TAOK1: variants seen among roughly 807,000 people sequenced by gnomAD.
TAOK1 encodes TAO kinase 1.
Under a neutral mutation model 138.3 loss-of-function variants are expected in TAOK1, and 21 were observed. The ratio of observed to expected loss-of-function variants is 0.15; its 90% CI spans 0.11 to 0.22. TAOK1 has a LOEUF of 0.22. TAOK1 is among the 10% of genes least tolerant of loss of function. TAOK1 has a pLI of 1.00. For missense variants in TAOK1, 651 were observed against 1,227.7 expected, an observed-to-expected ratio of 0.53 and a Z score of 7.02; for synonymous variants, 361 against 398.4, an observed-to-expected ratio of 0.91 and a Z score of 1.12.
intron 3 of TAOK1, among the ~76,000 whole-genome samples, chr17:29,469,361 A>G (rs893848239): frequency 1.3e-5 from 2 of 152,160 alleles, no homozygotes; most frequent in African/African-American, 4.8e-5. Context: ...ACTATTTTCA[A>G]TTCCACATTT....
chr17:29,458,521 G>A (rs1598489475), intron 2 of TAOK1, among the ~76,000 whole-genome samples: 1 of 152,052 alleles, frequency 6.6e-6, no homozygotes, highest in African/African-American at 2.4e-5. Flanking sequence ...GTTTTGAGAC[G>A]AAGTCTCGCT....
At chr17:29,531,047 C>T (rs1379609186) in intron 18 of TAOK1, among the ~76,000 whole-genome samples, 1 of 141,190 alleles carries the variant, frequency 7.1e-6, no homozygotes, top group African/African-American at 2.6e-5. Context: ...CTGCAAGCTC[C>T]GCCTCCCGGG....
chr17:29,518,953 G>C (rs1407650663), intron 16 of TAOK1, among the ~76,000 whole-genome samples: 2 of 151,924 alleles, frequency 1.3e-5, no homozygotes, highest in Non-Finnish European at 2.9e-5. Context: ...TTTTAGTAGA[G>C]ACGGGGTTTT....
chr17:29,450,816 A>G (rs775447908), intron 1 of TAOK1, among the ~76,000 whole-genome samples: 9 of 152,180 alleles, frequency 5.9e-5, no homozygotes, highest in East Asian at 1.9e-4. Flanking sequence ...GAGTCTGGCT[A>G]TGACAGCCAG....
Position 29,445,022 on chromosome 17 carries a change from CT to C in TAOK1, c.-94-6428del, listed in dbSNP as rs2030041845. ...TTTCTGTTACATATGCCTTTTAGTT[CT>C]TTTTCTTGCCATGTAACACTGACTA... On this transcript the variant is annotated intron_variant, in intron 1 of 19. Transcript: ENST00000261716. Among the ~76,000 whole-genome samples the C allele has an allele frequency of 2.0e-5, 3 of 152,150 alleles. No homozygotes were observed. In the South Asian group the frequency reaches 6.2e-4, roughly 32 times the overall value.
chr17:29,490,764 G>C (rs768098518), intron 9 of TAOK1, among the ~76,000 whole-genome samples: 5 of 152,126 alleles, frequency 3.3e-5, no homozygotes, highest in Non-Finnish European at 5.9e-5. Context: ...TCACTTTCTG[G>C]AGGCTGGGAA....
At chr17:29,502,439 AAG>A in intron 12 of TAOK1, 148 bp from the exon 13 acceptor site, 3 of 855,974 alleles carry the variant, frequency 3.5e-6, no homozygotes, top group Non-Finnish European at 5.2e-6. Flanking sequence ...CTAAAGAAAA[AAG>A]AAGACCAGCA....
chr17:29,534,390 C>A, intron 19 of TAOK1, 90 bp downstream of exon 19: 3 of 1,206,496 alleles, frequency 2.5e-6, no homozygotes, highest in South Asian at 2.4e-5. Context: ...GCAGAGGTCA[C>A]ATTAGATTTC....
rs1324343320 is a variant in TAOK1, at chr17:29,534,122, G to A, written c.2366G>A (p.Arg789His). The A allele has an allele frequency of 6.3e-7, 1 of 1,596,856 alleles. No individual in the cohort carries two copies. The highest frequency in any genetic ancestry group is 8.5e-7 in the Non-Finnish European group (1 of 1,173,020). ...INEMLSTQAL[R>H]LDEAQEAECQ... ...CTCTCTCTCTCTCTGTCTCAGCTGCGTTTGGATGAAGCACAGGAAGCAGAG... is the reference window on the plus strand; with the variant it reads ...CTCTCTCTCTCTCTGTCTCAGCTGCATTTGGATGAAGCACAGGAAGCAGAG... Residue 789 changes from arginine to histidine, a missense_variant, in exon 19 of 20, where the codon CGT becomes CAT. By Grantham distance (29) the Arg-to-His change is conservative. This residue lies in a region of TAOK1 where 258 missense variants were observed against 548.9 expected (regional missense o/e 0.47). Transcript: ENST00000261716.
chr17:29,507,761 A>C (rs2031652688), intron 13 of TAOK1, 135 bp from the exon 14 acceptor site: 1 of 803,144 alleles, frequency 1.2e-6, no homozygotes, highest in African/African-American at 1.7e-5. Flanking sequence ...GACTTGTTGG[A>C]AATTTCCTTG....
At chr17:29,499,229 CTTTTTTT>C (rs57906502) in intron 12 of TAOK1, among the ~76,000 whole-genome samples, 2 of 123,182 alleles carry the variant, frequency 1.6e-5, no homozygotes, top group African/African-American at 3.1e-5. Flanking sequence ...ATGTTTATAT[CTTTTTTT>C]TTTTTTTTTT....
rs564545639 is a variant in TAOK1 at position 29,419,780 on chromosome 17, C to T, written c.-95+28756C>T. On this transcript the variant is annotated intron_variant, in intron 1 of 19. Coordinates refer to ENST00000261716, the MANE Select transcript of TAOK1 (RefSeq NM_020791.4). ...AAGTGCTGGAAGTATAGGCATGTGC[C>T]ACTGAGCTCAGCCATGATTTTTAAT... Among the ~76,000 whole-genome samples the T allele has an allele frequency of 3.9e-5, 6 of 152,234 alleles. No homozygotes were observed. The South Asian group carries it at 1.2e-3, about 32-fold the overall frequency.
intron 6 of TAOK1, chr17:29,480,006 A>T (rs2031027333): frequency 1.3e-5 from 2 of 154,776 alleles, no homozygotes; most frequent in South Asian, 4.1e-4. Context: ...TTAAGTATGG[A>T]TACTCAGAAA....
intron 17 of TAOK1, among the ~76,000 whole-genome samples, chr17:29,529,332 A>G (rs1200186103): frequency 1.3e-5 from 2 of 152,178 alleles, no homozygotes; most frequent in Non-Finnish European, 2.9e-5. Context: ...GCTCATGCCT[A>G]TAATTACTGT....
At chr17:29,452,729 A>G (rs569608491) in intron 2 of TAOK1, among the ~76,000 whole-genome samples, 46 of 152,332 alleles carry the variant, frequency 3.0e-4, no homozygotes, top group Non-Finnish European at 5.3e-4. Context: ...AATGGAGTCA[A>G]ACAATATTTA....
At chr17:29,477,748 TA>T in intron 5 of TAOK1, 42 bp downstream of exon 5, 1 of 1,214,216 alleles carries the variant, frequency 8.2e-7, no homozygotes, top group Non-Finnish European at 1.1e-6. Context: ...ATTCACAGAA[TA>T]AAATGATAAT....
intron 1 of TAOK1, among the ~76,000 whole-genome samples, chr17:29,433,100 A>G (rs947324317): frequency 6.6e-6 from 1 of 152,106 alleles, no homozygotes; most frequent in Non-Finnish European, 1.5e-5. Context: ...TAGTAATGCA[A>G]GAGAATGTAA....
intron 3 of TAOK1, among the ~76,000 whole-genome samples, 167 bp downstream of exon 3, chr17:29,467,383 C>T (rs956261107): frequency 6.6e-6 from 1 of 151,998 alleles, no homozygotes; most frequent in Non-Finnish European, 1.5e-5. Flanking sequence ...ACGCCATTCT[C>T]CTGCCTCAGC....
At position 29,502,836 on chromosome 17, in the gene TAOK1, C is replaced by T. The variant is rs1296970625; in HGVS notation, c.1338+113C>T. 5.8e-6 allele frequency: 7 copies of T among 1,205,640 alleles called. No homozygotes were observed. The Admixed American group carries it at 1.8e-4, about 32-fold the overall frequency. 74.7% of individuals were successfully genotyped at this position (1,205,640 alleles called of 1,614,324 possible). On this transcript the variant is annotated intron_variant, in intron 13 of 19. Transcript: ENST00000261716. ...TATTTGGGTTTTATTTTACGAAATA[C>T]TCATTTAATATTTAAGTGCCTATTA...
Sources: gnomAD v4.1 joint callset for allele counts (sites outside exome capture counted in the v4.1 genomes callset) on GRCh38, gnomAD v4.1.1 for gene constraint, gnomAD v4.1.1 regional missense constraint, MANE v1.5 for transcripts, NCBI Gene and HGNC (gene_info 2026-07-23, HGNC 2026-07-21) for gene names.